CNOT4: variants seen among roughly 807,000 people sequenced by gnomAD.
CNOT4 encodes the protein CCR4-NOT transcription complex subunit 4.
Under a neutral mutation model 73.8 loss-of-function variants are expected in CNOT4, and 8 were observed. That is an observed-to-expected ratio of 0.11 (90% confidence interval 0.06 to 0.20). CNOT4 has a LOEUF of 0.20. Ranked by LOEUF, CNOT4 falls within the 10% of genes least tolerant of loss-of-function variation. The pLI is 1.00. For synonymous variants in CNOT4, 293 were observed against 321.1 expected, an observed-to-expected ratio of 0.91 and a Z score of 0.94; for missense variants, 564 against 883.4, an observed-to-expected ratio of 0.64 and a Z score of 4.58.
chr7:135,496,133 C>G (rs1045802107), intron 1 of CNOT4, among the ~76,000 whole-genome samples: 9 of 151,702 alleles, frequency 5.9e-5, no homozygotes, highest in African/African-American at 1.7e-4. Flanking sequence ...CACTCCGTCA[C>G]CCAGGCTGGA....
At chr7:135,467,188 C>T (rs1230110822) in intron 1 of CNOT4, among the ~76,000 whole-genome samples, 2 of 152,132 alleles carry the variant, frequency 1.3e-5, no homozygotes, top group Admixed American at 6.5e-5. Context: ...GATGATGTTG[C>T]TCAAGGAAGA....
At chr7:135,451,321 T>C (rs1800149224) in intron 1 of CNOT4, among the ~76,000 whole-genome samples, 1 of 152,206 alleles carries the variant, frequency 6.6e-6, no homozygotes, top group Non-Finnish European at 1.5e-5. Flanking sequence ...GTTCGAGAGA[T>C]TCTCATTCTG....
At chr7:135,424,536 G>A (rs946570627) in intron 2 of CNOT4, among the ~76,000 whole-genome samples, 2 of 152,122 alleles carry the variant, frequency 1.3e-5, no homozygotes, top group Non-Finnish European at 2.9e-5. Flanking sequence ...TGTAATTCCA[G>A]CACTTTGGGA....
chr7:135,495,512 A>C (rs1403959086), intron 1 of CNOT4, among the ~76,000 whole-genome samples: 1 of 148,616 alleles, frequency 6.7e-6, no homozygotes, highest in Non-Finnish European at 1.5e-5. Context: ...CTCAAAAAAA[A>C]AAAAAAAAAA....
At chr7:135,378,155 A>C (rs1795622498) in intron 10 of CNOT4, among the ~76,000 whole-genome samples, 1 of 152,206 alleles carries the variant, frequency 6.6e-6, no homozygotes, top group Non-Finnish European at 1.5e-5. Flanking sequence ...GTCGTTCCCC[A>C]ATCTGCTCCA....
intron 3 of CNOT4, among the ~76,000 whole-genome samples, chr7:135,417,075 A>G (rs576321790): frequency 6.6e-6 from 1 of 152,346 alleles, no homozygotes; most frequent in African/African-American, 2.4e-5. Flanking sequence ...CAATTCATAC[A>G]CCAGTAACAA....
At chr7:135,421,098 G>T (rs944295294) in intron 3 of CNOT4, among the ~76,000 whole-genome samples, 1 of 151,918 alleles carries the variant, frequency 6.6e-6, no homozygotes, top group African/African-American at 2.4e-5. Context: ...ACTTTCGCGG[G>T]GTCAAAATCA....
chr7:135,401,143 C>A (rs998326680), intron 7 of CNOT4, among the ~76,000 whole-genome samples: 2 of 152,144 alleles, frequency 1.3e-5, no homozygotes, highest in African/African-American at 4.8e-5. Context: ...CTTGAGACTA[C>A]GACCAACAGG....
intron 10 of CNOT4, among the ~76,000 whole-genome samples, chr7:135,383,462 G>A (rs1217184748): frequency 2.0e-5 from 3 of 152,054 alleles, no homozygotes; most frequent in Admixed American, 6.5e-5. Context: ...GTCCTCCTAC[G>A]ATGCTTTGAG....
intron 7 of CNOT4, among the ~76,000 whole-genome samples, chr7:135,401,446 G>C (rs900096358): frequency 2.0e-5 from 3 of 151,934 alleles, no homozygotes; most frequent in Admixed American, 1.3e-4. Flanking sequence ...AATTGCACAG[G>C]GCTTTTTTTA....
intron 10 of CNOT4, chr7:135,384,434 G>A (rs112366662): frequency 0.016 from 6,430 of 402,592 alleles, 384 homozygotes; most frequent in African/African-American, 0.12. Context: ...ACAGGTGCCC[G>A]CCACCACGCC....
chr7:135,390,414 T>C (rs568708088), intron 10 of CNOT4, among the ~76,000 whole-genome samples: 135 of 152,198 alleles, frequency 8.9e-4, no homozygotes, highest in African/African-American at 3.1e-3. Context: ...GTAAATCACT[T>C]TGTAGAAAGA....
intron 1 of CNOT4, among the ~76,000 whole-genome samples, chr7:135,499,312 T>C (rs2129488072): frequency 6.6e-6 from 1 of 152,120 alleles, no homozygotes; most frequent in South Asian, 2.1e-4. Flanking sequence ...GGTATGTAGA[T>C]AAAGGCAGCC....
chr7:135,508,329 C>T (rs1461408937), intron 1 of CNOT4, among the ~76,000 whole-genome samples: 2 of 152,206 alleles, frequency 1.3e-5, no homozygotes, highest in African/African-American at 2.4e-5. Flanking sequence ...TTTGCTTTCA[C>T]CAAAACATGG....
In CNOT4 at chr7:135,479,198, A is replaced by ATTTTTTTT. The variant is rs61487024; in HGVS notation, c.-93+30683_-93+30690dup. ...TCTCACCAAAGCCTATTAGAACCAA[A>ATTTTTTTT]TTTTTTTTTTTTTTTTTTTTTTTTT... On this transcript the variant is annotated intron_variant, in intron 1 of 11. Transcript: ENST00000541284. Among the ~76,000 whole-genome samples the ATTTTTTTT allele has an allele frequency of 2.6e-4, 23 of 89,872 alleles. 1 individual carries two copies. The highest frequency in any genetic ancestry group is 7.5e-4 in the African/African-American group (16 of 21,428). The allele number at this position is 89,872 out of a possible 152,430, so 59.0% of individuals were successfully genotyped here.
intron 2 of CNOT4, among the ~76,000 whole-genome samples, chr7:135,435,825 C>T (rs1799121839): frequency 6.6e-6 from 1 of 152,150 alleles, no homozygotes; most frequent in South Asian, 2.1e-4. Flanking sequence ...GGTATAGAAG[C>T]TCCTAGTTCC....
At chr7:135,378,707 C>T (rs1159312404) in intron 10 of CNOT4, among the ~76,000 whole-genome samples, 2 of 150,188 alleles carry the variant, frequency 1.3e-5, no homozygotes, top group African/African-American at 4.9e-5. Context: ...GAAAATTAGC[C>T]GGGCACGGTG....
chr7:135,395,194 G>A (rs765906407), intron 9 of CNOT4, among the ~76,000 whole-genome samples: 2 of 151,894 alleles, frequency 1.3e-5, no homozygotes, highest in Non-Finnish European at 2.9e-5. Context: ...TCAAGACCTG[G>A]GCAGTATAGC....
intron 1 of CNOT4, among the ~76,000 whole-genome samples, chr7:135,499,298 A>G (rs1420912131): frequency 6.6e-6 from 1 of 152,180 alleles, no homozygotes; most frequent in Non-Finnish European, 1.5e-5. Flanking sequence ...ACTAGAAAAG[A>G]AAAGGTATGT....
Sources: allele counts gnomAD v4.1 joint callset (sites outside exome capture counted in the v4.1 genomes callset), GRCh38; gene constraint gnomAD v4.1.1; transcripts MANE v1.5; gene names NCBI Gene and HGNC (gene_info 2026-07-23, HGNC 2026-07-21).